The following NCOR1 variants were observed in gnomAD, a reference collection of about 807,000 sequenced individuals.
NCOR1 encodes the protein protein phosphatase 1, regulatory subunit 109.
NCOR1 carries 63 observed loss-of-function variants against 288.1 expected under a neutral mutation model. The ratio of observed to expected loss-of-function variants is 0.22; its 90% CI spans 0.18 to 0.27. The LOEUF is 0.27. Among genes scored for constraint, NCOR1 ranks in the 10% least tolerant of loss-of-function variants. The pLI, the probability that NCOR1 is intolerant of heterozygous loss-of-function variation, is 1.00. For missense variants in NCOR1, 2,397 were observed against 3,019.2 expected, an observed-to-expected ratio of 0.79 and a Z score of 4.83; for synonymous variants, 1,007 against 1,065.9, an observed-to-expected ratio of 0.94 and a Z score of 1.08.
chr17:16,165,132 A>G lies in NCOR1; in HGVS notation c.465T>C (p.Ala155=). The G allele has an allele frequency of 1.2e-6, 2 of 1,600,294 alleles. No individual in the cohort carries two copies. The highest frequency in any genetic ancestry group is 1.7e-6 in the Non-Finnish European group (2 of 1,177,062). Residue 155 remains alanine (A), a synonymous_variant, in exon 5 of 46, where the codon GCT becomes GCC. Transcript: ENST00000268712. ...GTTGCCCCGAAATTGGAGAGGATGG[A>G]GCTTCATGTTTGCCTCCGAATGCTG... is the stretch of plus-strand genomic sequence containing the variant. ...KDPAFGGKHE[A]PSSPISGQPC...
chr17:16,121,487 T>C (rs901744082), intron 15 of NCOR1, among the ~76,000 whole-genome samples: 2 of 152,142 alleles, frequency 1.3e-5, no homozygotes, highest in Non-Finnish European at 1.5e-5. Context: ...TACATACTAA[T>C]GGACTTAAAA....
At chr17:16,127,183 C>A (rs868488024) in intron 14 of NCOR1, among the ~76,000 whole-genome samples, 1 of 125,704 alleles carries the variant, frequency 8.0e-6, no homozygotes, top group South Asian at 2.3e-4. Context: ...ATGTATATAT[C>A]TGTATGTATA....
chr17:16,098,775 A>G (rs118039773), intron 20 of NCOR1: 123 of 207,286 alleles, frequency 5.9e-4, no homozygotes, highest in Non-Finnish European at 9.6e-4. Flanking sequence ...GTGCAAGAAA[A>G]ACATGCAAAT....
Position 16,158,827 on chromosome 17 carries a change from G to A in NCOR1, c.665C>T (p.Pro222Leu), listed in dbSNP as rs1214744460. 7 of 1,614,096 alleles carry A rather than the reference G, an allele frequency of 4.3e-6. No individual in the cohort carries two copies. Among genetic ancestry groups the A allele is most frequent in the Non-Finnish European group, 5.1e-6 (6 of 1,180,006 alleles). ...CTGCTCCACAGGAGGAGGGGACACG[G>A]GCTTCTCAGGCTCAGGAGGTTTAGC... ...EAAKPPEPEKPVSPPPVEQKH... is the reference protein window; with the variant it reads ...EAAKPPEPEKLVSPPPVEQKH... Residue 222 changes from proline to leucine, a missense_variant, in exon 6 of 46, where the codon CCC becomes CTC. By Grantham distance (98) the Pro-to-Leu change is moderately conservative. Around this residue, in one of 11 missense-constraint regions of NCOR1, gnomAD observed 76 missense variants for 102.2 expected, o/e 0.74. Coordinates refer to ENST00000268712, the MANE Select transcript of NCOR1 (RefSeq NM_006311.4).
At position 16,075,558 on chromosome 17, in the gene NCOR1, T is replaced by C; in HGVS notation, c.3646A>G (p.Ser1216Gly). Reference protein sequence around the residue: ...SKGHVIYEGKSGHILSYDNIK... With the variant: ...SKGHVIYEGKGGHILSYDNIK... ...CTATCATATGACAAGATATGTCCACTTTTGCCTTCATAAATAACATGGCCT... is the reference window on the plus strand; with the variant it reads ...CTATCATATGACAAGATATGTCCACCTTTGCCTTCATAAATAACATGGCCT... Residue 1216 changes from serine (S) to glycine (G), a missense_variant, in exon 27 of 46, where the codon AGT (serine) becomes GGT (glycine). Physicochemically the swap from Ser to Gly is moderately conservative, Grantham distance 56. Transcript: ENST00000268712. 2 of 1,614,222 alleles carry C rather than the reference T, an allele frequency of 1.2e-6. No individual in the cohort carries two copies. The highest frequency in any genetic ancestry group is 1.7e-6 in the Non-Finnish European group (2 of 1,180,042).
chr17:16,110,147 G>A (rs957378727), intron 18 of NCOR1, among the ~76,000 whole-genome samples: 5 of 152,236 alleles, frequency 3.3e-5, no homozygotes, highest in Middle Eastern at 3.4e-3. Flanking sequence ...TTGAACTCAG[G>A]AGTTTGAGAT....
At chr17:16,041,902 A>G (rs1433093845) in intron 42 of NCOR1, among the ~76,000 whole-genome samples, 2 of 151,896 alleles carry the variant, frequency 1.3e-5, no homozygotes, top group Admixed American at 6.6e-5. Flanking sequence ...ATGCCTGGCT[A>G]ATTTTTTACA....
At chr17:16,104,685 C>A (rs2068257696) in intron 19 of NCOR1, among the ~76,000 whole-genome samples, 1 of 152,160 alleles carries the variant, frequency 6.6e-6, no homozygotes, top group Non-Finnish European at 1.5e-5. Context: ...GCAAGAGAAT[C>A]ACTTGAGCCC....
At chr17:16,054,041 TAACTC>T (rs1179730537) in intron 40 of NCOR1, among the ~76,000 whole-genome samples, 2 of 115,786 alleles carry the variant, frequency 1.7e-5, no homozygotes, top group East Asian at 2.4e-4. Context: ...TATATAAAAT[TAACTC>T]AAGATGGATT....
intron 40 of NCOR1, among the ~76,000 whole-genome samples, chr17:16,050,115 CAG>C (rs962761525): frequency 2.0e-5 from 3 of 151,906 alleles, no homozygotes; most frequent in African/African-American, 7.3e-5. Context: ...TTTGTAGAGA[CAG>C]GGGTCTCACT....
At chr17:16,061,274 C>T (rs1044716732) in intron 37 of NCOR1, 127 bp downstream of exon 37, 22 of 1,168,794 alleles carry the variant, frequency 1.9e-5, no homozygotes, top group Non-Finnish European at 2.4e-5. Context: ...GCAGAAGATA[C>T]ATTTTTGCAT....
intron 31 of NCOR1, 148 bp downstream of exon 31, chr17:16,070,017 G>T (rs2152716833): frequency 1.0e-6 from 1 of 955,448 alleles, no homozygotes; most frequent in Non-Finnish European, 1.5e-6. Flanking sequence ...TAAATTAGTA[G>T]CCTTCCATAC....
chr17:16,100,265 A>C (rs1236491675), intron 20 of NCOR1, among the ~76,000 whole-genome samples: 1 of 152,232 alleles, frequency 6.6e-6, no homozygotes, highest in African/African-American at 2.4e-5. Context: ...TGTAAAATAT[A>C]TATCTTTTAC....
At chr17:16,160,022 G>GGGA (rs1451161209) in intron 5 of NCOR1, among the ~76,000 whole-genome samples, 1 of 151,986 alleles carries the variant, frequency 6.6e-6, no homozygotes, top group Admixed American at 6.6e-5. Context: ...AGTAGAGACA[G>GGGA]GGATTCACCA....
intron 17 of NCOR1, among the ~76,000 whole-genome samples, chr17:16,118,900 G>C (rs1272940935): frequency 6.6e-6 from 1 of 152,196 alleles, no homozygotes; most frequent in Non-Finnish European, 1.5e-5. Flanking sequence ...AGCTATGAAA[G>C]TGGCAGAGAC....
At chr17:16,196,857 GA>G (rs146070528) in intron 1 of NCOR1, among the ~76,000 whole-genome samples, 1 of 146,694 alleles carries the variant, frequency 6.8e-6, no homozygotes, top group Non-Finnish European at 1.5e-5. Flanking sequence ...AAAAAAAAAA[GA>G]AAAAAATAAT....
At position 16,101,745 on chromosome 17, in the gene NCOR1, T is replaced by C; in HGVS notation, c.2195A>G (p.Lys732Arg). ...NPEDSEVEAV[K>R]PSEDSPENAT... ...ATTTTCAGGACTGTCCTCGCTGGGC[T>C]TGACAGCTTCAACTGGTGAAGGAGA... The change falls in exon 20 of 46, where the codon AAG becomes AGG. Residue 732 changes from lysine to arginine, a missense_variant. Coordinates refer to ENST00000268712, the MANE Select transcript of NCOR1 (RefSeq NM_006311.4). 1.2e-6 allele frequency: 2 copies of C among 1,614,214 alleles called. No homozygotes were observed. The highest frequency in any genetic ancestry group is 1.7e-6 in the Non-Finnish European group (2 of 1,180,046).
chr17:16,038,781 A>G (rs1032424318), intron 44 of NCOR1, among the ~76,000 whole-genome samples: 5 of 150,476 alleles, frequency 3.3e-5, no homozygotes, highest in African/African-American at 1.2e-4. Flanking sequence ...CTGTGTATGT[A>G]TGTATTTTGA....
At chr17:16,164,397 T>C (rs2081569812) in intron 5 of NCOR1, among the ~76,000 whole-genome samples, 1 of 151,994 alleles carries the variant, frequency 6.6e-6, no homozygotes, top group African/African-American at 2.4e-5. Context: ...AATGACAAAA[T>C]AGGAGACTAT....
Sources: gnomAD v4.1 joint callset for allele counts (sites outside exome capture counted in the v4.1 genomes callset) on GRCh38, gnomAD v4.1.1 for gene constraint, gnomAD v4.1.1 regional missense constraint, MANE v1.5 for transcripts, NCBI Gene and HGNC (gene_info 2026-07-23, HGNC 2026-07-21) for gene names.